Variants in THEM4 observed in about 807,000 individuals in gnomAD.
The protein encoded by THEM4 is acyl-coenzyme A thioesterase THEM4.
A neutral mutation model predicts 25.0 loss-of-function variants in THEM4; 22 were observed. The observed-to-expected ratio is 0.88, with a 90% CI of 0.63 to 1.26. The LOEUF (loss-of-function observed/expected upper bound fraction) is 1.26. THEM4 is among the 50% of genes most tolerant of loss of function. The pLI is 0.00. For missense variants in THEM4, 286 were observed against 300.3 expected (o/e 0.95, Z 0.35); for synonymous variants, 113 against 105.6 (o/e 1.07, Z -0.43).
intron 1 of THEM4, among the ~76,000 whole-genome samples, chr1:151,904,015 A>T (rs1654406478): frequency 2.6e-5 from 4 of 152,246 alleles, no homozygotes; most frequent in Admixed American, 2.6e-4. Flanking sequence ...TGTGAAAAAT[A>T]CTACAAGAGA....
At chr1:151,879,232 A>C (rs2101716387) in intron 4 of THEM4, among the ~76,000 whole-genome samples, 1 of 152,302 alleles carries the variant, frequency 6.6e-6, no homozygotes, top group East Asian at 1.9e-4. Context: ...CGGAAGGAGG[A>C]GTCTCACTCT....
At chr1:151,894,151 C>T (rs545022060) in intron 2 of THEM4, among the ~76,000 whole-genome samples, 2 of 152,240 alleles carry the variant, frequency 1.3e-5, no homozygotes, top group South Asian at 2.1e-4. Context: ...GCATGAGCCA[C>T]GGTGCCTGGC....
Position 151,909,416 on chromosome 1 carries a change from G to A in THEM4, c.43C>T (p.Leu15=). The A allele has an allele frequency of 1.3e-6, 2 of 1,490,132 alleles. No homozygotes were observed. Among genetic ancestry groups the A allele is most frequent in the African/African-American group, 1.5e-5 (1 of 68,724 alleles). 92.3% of individuals were successfully genotyped at this position (1,490,132 alleles called of 1,614,324 possible). Residue 15 remains leucine, a synonymous_variant, in exon 1 of 6, where the codon CTG becomes TTG. Transcript: ENST00000368814. The part of the protein sequence containing the change: ...CAARLRTLGA[L]CLPPVGRRLP... ...CGCCGGCCTACTGGCGGCAGGCACAGAGCCCCCAGCGTGCGGAGGCGCGCG... is the reference window on the plus strand; with the variant it reads ...CGCCGGCCTACTGGCGGCAGGCACAAAGCCCCCAGCGTGCGGAGGCGCGCG...
intron 1 of THEM4, among the ~76,000 whole-genome samples, chr1:151,898,378 A>G (rs1654271896): frequency 6.6e-6 from 1 of 152,156 alleles, no homozygotes; most frequent in Admixed American, 6.5e-5. Flanking sequence ...TTCTAGGTAC[A>G]CAACTCCAGT....
chr1:151,874,726 A>AAGATG lies in THEM4; in HGVS notation c.*157_*161dup. 1 of 709,750 alleles carries AAGATG rather than the reference A, an allele frequency of 1.4e-6. No homozygotes were observed. Among genetic ancestry groups the AAGATG allele is most frequent in the Non-Finnish European group, 2.5e-6 (1 of 401,272 alleles). 44.0% of individuals were successfully genotyped at this position (709,750 alleles called of 1,614,324 possible). On this transcript the variant is annotated 3_prime_UTR_variant, in exon 6 of 6. Coordinates refer to ENST00000368814, the MANE Select transcript of THEM4 (RefSeq NM_053055.5). ...AGTATTTCTGTGTTAAAAAGTTGAG[A>AAGATG]AGATGGAAACTGAATCCTCTTTGTA... is the stretch of plus-strand genomic sequence containing the variant.
chr1:151,896,383 ACTT>A (rs1654226098), intron 1 of THEM4, among the ~76,000 whole-genome samples: 2 of 151,994 alleles, frequency 1.3e-5, no homozygotes, highest in Non-Finnish European at 2.9e-5. Flanking sequence ...AGTCAATTAA[ACTT>A]CTTTTCTTTA....
intron 2 of THEM4, among the ~76,000 whole-genome samples, chr1:151,894,225 A>G (rs931350619): frequency 6.6e-6 from 1 of 152,246 alleles, no homozygotes; most frequent in Non-Finnish European, 1.5e-5. Flanking sequence ...TGTTTGGATG[A>G]TTAAAAGATA....
chr1:151,877,168 G>C (rs1310418874), intron 4 of THEM4, 43 bp from the exon 5 acceptor site: 3 of 1,566,098 alleles, frequency 1.9e-6, no homozygotes, highest in Non-Finnish European at 2.6e-6. Flanking sequence ...GTTTTTATCT[G>C]ACTTATATAA....
intron 1 of THEM4, among the ~76,000 whole-genome samples, chr1:151,906,529 G>A (rs947928251): frequency 1.3e-5 from 2 of 152,262 alleles, no homozygotes; most frequent in Non-Finnish European, 2.9e-5. Context: ...TGGGCACACA[G>A]CGTGGGACTG....
chr1:151,903,864 G>A (rs538096468), intron 1 of THEM4, among the ~76,000 whole-genome samples: 2 of 152,198 alleles, frequency 1.3e-5, no homozygotes, highest in Admixed American at 6.5e-5. Flanking sequence ...GGGTTCTCCT[G>A]ATTTTAACTT....
intron 2 of THEM4, 198 bp from the exon 3 acceptor site, chr1:151,889,571 C>T (rs1193677877): frequency 1.9e-6 from 1 of 525,076 alleles, no homozygotes; most frequent in East Asian, 2.9e-5. Context: ...AATTAACAGT[C>T]CAACTGGGGA....
At chr1:151,893,728 G>A (rs1654147583) in intron 2 of THEM4, among the ~76,000 whole-genome samples, 1 of 152,148 alleles carries the variant, frequency 6.6e-6, no homozygotes, top group South Asian at 2.1e-4. Context: ...CTGAGGGTGA[G>A]AAGGGAAAGT....
chr1:151,899,572 T>C (rs914136105), intron 1 of THEM4, among the ~76,000 whole-genome samples: 1 of 151,298 alleles, frequency 6.6e-6, no homozygotes, highest in Non-Finnish European at 1.5e-5. Context: ...GACACACTTT[T>C]AGAAATGCAA....
chr1:151,898,795 T>C (rs2101729040), intron 1 of THEM4, among the ~76,000 whole-genome samples: 1 of 152,314 alleles, frequency 6.6e-6, no homozygotes, highest in Middle Eastern at 3.4e-3. Flanking sequence ...AACCCAGAGC[T>C]GGGCAGACTC....
chr1:151,877,077 T>G lies in THEM4; in HGVS notation c.606A>C (p.Lys202Asn), dbSNP rs1347055625. 4 of 1,613,664 alleles carry G rather than the reference T, an allele frequency of 2.5e-6. No homozygotes were observed. The highest frequency in any genetic ancestry group is 3.4e-6 in the Non-Finnish European group (4 of 1,179,828). The part of the protein sequence containing the change: ...SVVMINSQLD[K>N]VEGRKFFVSC... ...AAACAAAAAATTTCCTTCCTTCAACTTTATCAAGTTGGCTATTTATCATAA... is the reference window on the plus strand; with the variant it reads ...AAACAAAAAATTTCCTTCCTTCAACGTTATCAAGTTGGCTATTTATCATAA... Residue 202 changes from lysine to asparagine, a missense_variant, in exon 5 of 6, where the codon AAA becomes AAC. By Grantham distance (94) the Lys-to-Asn change is moderately conservative. Transcript: ENST00000368814.
intron 4 of THEM4, among the ~76,000 whole-genome samples, chr1:151,885,677 C>T (rs557897447): frequency 6.6e-6 from 1 of 152,324 alleles, no homozygotes; most frequent in South Asian, 2.1e-4. Flanking sequence ...ATGAATGGGT[C>T]ATTGGCATGC....
Position 151,903,948 on chromosome 1 carries a change from G to A in THEM4, c.99+5412C>T, listed in dbSNP as rs559269866. On this transcript the variant is annotated intron_variant, in intron 1 of 5. Coordinates refer to ENST00000368814, the MANE Select transcript of THEM4 (RefSeq NM_053055.5). ...CTACATGCCCTGGTTCTATGTGAGG[G>A]ACAGGTAAAACAGAGAGAAGACTTA... is the stretch of plus-strand genomic sequence containing the variant. 5.7e-4 allele frequency among the ~76,000 whole-genome samples: 87 copies of A among 152,288 alleles called. 2 individuals carry two copies. Among genetic ancestry groups the A allele is most frequent in the Non-Finnish European group, 1.2e-3 (82 of 68,028 alleles).
intron 2 of THEM4, chr1:151,889,649 C>T (rs1373419608): frequency 3.1e-5 from 10 of 318,024 alleles, no homozygotes; most frequent in Admixed American, 4.5e-5. Flanking sequence ...AGTATATAAA[C>T]GCTAACAATA....
chr1:151,881,115 C>T (rs1429404573), intron 4 of THEM4, among the ~76,000 whole-genome samples: 2 of 152,018 alleles, frequency 1.3e-5, no homozygotes, highest in Admixed American at 1.3e-4. Flanking sequence ...TATTGTTATC[C>T]AGTATTTTAG....
Sources: gnomAD v4.1 joint callset for allele counts (sites outside exome capture counted in the v4.1 genomes callset) on GRCh38, gnomAD v4.1.1 for gene constraint, MANE v1.5 for transcripts, NCBI Gene and HGNC (gene_info 2026-07-23, HGNC 2026-07-21) for gene names.